The following TRPM6 variants were observed in gnomAD, a reference collection of about 807,000 sequenced individuals.
TRPM6 encodes channel kinase 2.
TRPM6 carries 111 observed loss-of-function variants against 247.6 expected under a neutral mutation model. The ratio of observed to expected loss-of-function variants is 0.45; its 90% CI spans 0.38 to 0.52. The LOEUF is 0.52. Ranked by LOEUF, TRPM6 falls within the 20% of genes least tolerant of loss-of-function variation. TRPM6 has a pLI of 0.00. For missense variants in TRPM6, 2,126 were observed against 2,421.5 expected (o/e 0.88, Z 2.56); for synonymous variants, 892 against 853.8 (o/e 1.04, Z -0.78).
At chr9:74,737,307 C>G in intron 36 of TRPM6, 2 of 1,201,960 alleles carry the variant, frequency 1.7e-6, no homozygotes, top group Non-Finnish European at 2.2e-6. Flanking sequence ...TGTGTCACAT[C>G]CTTGAGCATG....
intron 11 of TRPM6, 122 bp downstream of exon 11, chr9:74,816,545 TAC>T: frequency 1.4e-6 from 1 of 718,786 alleles, no homozygotes. Context: ...CTATCCCAGC[TAC>T]AGAGATGCTA....
chr9:74,827,814 G>T lies in TRPM6; in HGVS notation c.805C>A (p.Leu269Met), dbSNP rs776686717. 6.2e-7 allele frequency: 1 copy of T among 1,614,090 alleles called. No individual in the cohort carries two copies. The highest frequency in any genetic ancestry group is 8.5e-7 in the Non-Finnish European group (1 of 1,180,026). ...YGNEMKLRRN[L>M]EKYLSLQKIH... is the part of the protein sequence containing the mutation. ...TTCTGCAGAGAGAGGTACTTCTCCA[G>T]GTTCCTTCTGAGCTTCATTTCATTT... is the stretch of plus-strand genomic sequence containing the variant. Residue 269 changes from leucine (L) to methionine (M), a missense_variant, in exon 7 of 39, where the codon CTG becomes ATG. By Grantham distance (15) the Leu-to-Met change is conservative. Transcript: ENST00000360774.
Position 74,782,615 on chromosome 9 carries a change from T to C in TRPM6, c.3094+64A>G. The C allele has an allele frequency of 3.8e-6, 6 of 1,563,496 alleles. 1 individual carries two copies. The South Asian group carries it at 5.6e-5, about 14-fold the overall frequency. Reference sequence around the variant, plus strand: ...AAGATTTAGATGATTGTTTTTCAGATGTATTTTACTCTTGTTAACTATGAA... The same window carrying C: ...AAGATTTAGATGATTGTTTTTCAGACGTATTTTACTCTTGTTAACTATGAA... On this transcript the variant is annotated intron_variant, in intron 22 of 38. Transcript: ENST00000360774.
At position 74,812,328 on chromosome 9, in the gene TRPM6, T is replaced by A; in HGVS notation, c.1414A>T (p.Ile472Phe). ...TTGTAGAGCTCTTCCAGTCGAGGGA[T>A]GGTAAGAAAGCGATGGAGGTTCACT... ...YGVNLHRFLT[I>F]PRLEELYNTK... Residue 472 changes from isoleucine to phenylalanine, a missense_variant, in exon 12 of 39, where the codon ATC becomes TTC. Physicochemically the swap from Ile to Phe is conservative, Grantham distance 21 (BLOSUM62 0). Around this residue, in one of 3 missense-constraint regions of TRPM6, gnomAD observed 1,082 missense variants for 1,307.9 expected, o/e 0.83. Transcript: ENST00000360774. The A allele has an allele frequency of 6.2e-7, 1 of 1,613,808 alleles. No homozygotes were observed. Among genetic ancestry groups the A allele is most frequent in the Non-Finnish European group, 8.5e-7 (1 of 1,179,866 alleles).
intron 28 of TRPM6, among the ~76,000 whole-genome samples, chr9:74,753,740 G>A (rs1306483486): frequency 2.0e-5 from 3 of 152,124 alleles, no homozygotes; most frequent in African/African-American, 7.2e-5. Flanking sequence ...CAGGGCATCT[G>A]CCTATTCACA....
intron 27 of TRPM6, among the ~76,000 whole-genome samples, chr9:74,759,191 C>T (rs188332153): frequency 6.6e-6 from 1 of 152,122 alleles, no homozygotes; most frequent in East Asian, 1.9e-4. Context: ...TTCCCCACAT[C>T]GACATATAGA....
intron 22 of TRPM6, 74 bp from the exon 23 acceptor site, chr9:74,782,550 C>A: frequency 1.4e-6 from 2 of 1,439,434 alleles, no homozygotes; most frequent in Middle Eastern, 1.7e-4. Context: ...ACACATTTAG[C>A]ACATTAACTG....
At chr9:74,817,031 C>T (rs1181799220) in intron 9 of TRPM6, 67 bp from the exon 10 acceptor site, 3 of 1,339,806 alleles carry the variant, frequency 2.2e-6, no homozygotes, top group Admixed American at 1.7e-5. Flanking sequence ...TCAAAGAGTA[C>T]CCACAGAATT....
At chr9:74,823,694 T>C (rs1829213042) in intron 7 of TRPM6, among the ~76,000 whole-genome samples, 1 of 152,160 alleles carries the variant, frequency 6.6e-6, no homozygotes, top group East Asian at 1.9e-4. Flanking sequence ...GGCACAAAAG[T>C]AATAGAAGAA....
At chr9:74,807,953 C>A (rs1828589773) in intron 14 of TRPM6, 81 bp downstream of exon 14, 1 of 1,531,140 alleles carries the variant, frequency 6.5e-7, no homozygotes, top group East Asian at 2.3e-5. Context: ...CTATTTTTGT[C>A]TGAACTTCCA....
intron 1 of TRPM6, among the ~76,000 whole-genome samples, chr9:74,871,522 G>C (rs1205978262): frequency 3.9e-5 from 6 of 152,002 alleles, no homozygotes. Flanking sequence ...TCCCATAATT[G>C]ACTTAGCTAA....
At chr9:74,819,160 T>C (rs1392860998) in intron 9 of TRPM6, among the ~76,000 whole-genome samples, 10 of 151,914 alleles carry the variant, frequency 6.6e-5, no homozygotes, top group Non-Finnish European at 1.3e-4. Flanking sequence ...AATACAAAAA[T>C]TAGCCAGGCA....
At chr9:74,779,394 G>C (rs546899551) in intron 23 of TRPM6, among the ~76,000 whole-genome samples, 1 of 152,202 alleles carries the variant, frequency 6.6e-6, no homozygotes, top group Non-Finnish European at 1.5e-5. Flanking sequence ...GGCTAAGAGA[G>C]ATGATGACTA....
intron 36 of TRPM6, among the ~76,000 whole-genome samples, chr9:74,733,460 T>C (rs1825592876): frequency 6.6e-6 from 1 of 152,186 alleles, no homozygotes; most frequent in Admixed American, 6.5e-5. Context: ...TAGTGGCATC[T>C]GTCATTCATT....
rs144510446 is a variant in TRPM6 at position 74,740,704 on chromosome 9, A to G, written c.5201-695T>C. On this transcript the variant is annotated intron_variant, in intron 33 of 38. Transcript: ENST00000360774. ...ATGAGGTCAGTTGTGGGAGTTTTCC[A>G]CTTGTGGCATCACATTAGCACTCAA... Among the ~76,000 whole-genome samples, 116 of 152,270 alleles carry G rather than the reference A, an allele frequency of 7.6e-4. 1 individual carries two copies. The East Asian group carries it at 0.018, about 24-fold the overall frequency.
chr9:74,819,564 TA>T (rs1305605851), intron 9 of TRPM6, among the ~76,000 whole-genome samples: 13 of 152,200 alleles, frequency 8.5e-5, no homozygotes, highest in African/African-American at 3.1e-4. Context: ...CCTAAAACAC[TA>T]AAAACTTTTC....
intron 27 of TRPM6, among the ~76,000 whole-genome samples, chr9:74,760,306 C>T (rs1292223564): frequency 6.6e-6 from 1 of 152,054 alleles, no homozygotes; most frequent in Non-Finnish European, 1.5e-5. Flanking sequence ...TTTTACTGAC[C>T]CTTTCTATGT....
Position 74,782,691 on chromosome 9 carries a change from C to T in TRPM6, c.3082G>A (p.Gly1028Arg). The T allele has an allele frequency of 6.2e-7, 1 of 1,614,176 alleles. No homozygotes were observed. The highest frequency in any genetic ancestry group is 8.5e-7 in the Non-Finnish European group (1 of 1,180,016). Residue 1028 changes from glycine (G) to arginine (R), a missense_variant, in exon 22 of 39, where the codon GGA (glycine) becomes AGA (arginine). This residue lies in a region of TRPM6 where 1,082 missense variants were observed against 1,307.9 expected (regional missense o/e 0.83). Coordinates refer to ENST00000360774, the MANE Select transcript of TRPM6 (RefSeq NM_017662.5). ...YWMIYGEVYAGEIDVCSSQPS... is the reference protein window; with the variant it reads ...YWMIYGEVYAREIDVCSSQPS... Reference sequence around the variant, plus strand: ...ATCCCATACACACCATCTATTTCTCCAGCATAGACTTCTCCGTATATCATC... The same window carrying T: ...ATCCCATACACACCATCTATTTCTCTAGCATAGACTTCTCCGTATATCATC...
At chr9:74,724,862 C>T (rs1213047846) in intron 38 of TRPM6, 116 bp from the exon 39 acceptor site, 14 of 1,335,276 alleles carry the variant, frequency 1.0e-5, no homozygotes, top group Non-Finnish European at 1.2e-5. Flanking sequence ...CTTCCTCAGA[C>T]CATAGATATG....
Sources: allele counts gnomAD v4.1 joint callset (sites outside exome capture counted in the v4.1 genomes callset), GRCh38; gene constraint gnomAD v4.1.1; regional missense constraint gnomAD v4.1.1; transcripts MANE v1.5; gene names NCBI Gene and HGNC (gene_info 2026-07-23, HGNC 2026-07-21).